The following CHD9 variants were observed in gnomAD, a reference collection of about 807,000 sequenced individuals.
CHD9 encodes ATP-dependent chromatin remodeler CHD9.
Under a neutral mutation model 316.1 loss-of-function variants are expected in CHD9, and 77 were observed. The observed-to-expected ratio is 0.24, with a 90% CI of 0.20 to 0.29. The LOEUF (loss-of-function observed/expected upper bound fraction) is 0.29, where lower values mean the gene tolerates loss of function less well. Among genes scored for constraint, CHD9 ranks in the 10% least tolerant of loss-of-function variants. CHD9 has a pLI of 1.00. For synonymous variants in CHD9, 1,129 were observed against 1,158.3 expected, an observed-to-expected ratio of 0.97 and a Z score of 0.51; for missense variants, 2,763 against 3,438.1, an observed-to-expected ratio of 0.80 and a Z score of 4.91.
Position 53,144,673 on chromosome 16 carries a change from C to T in CHD9, c.-164-11253C>T, listed in dbSNP as rs371395110. On this transcript the variant is annotated intron_variant, in intron 1 of 38. Coordinates refer to ENST00000447540, the MANE Select transcript of CHD9 (RefSeq NM_001308319.2). ...CCTCCCGAGTAGCTGGGACTACAGG[C>T]GCCCACTATGCCCAGCTAATTTTTG... 5.1e-4 allele frequency among the ~76,000 whole-genome samples: 77 copies of T among 151,944 alleles called. 1 individual carries two copies. In the South Asian group the frequency reaches 0.015, roughly 30 times the overall value.
intron 13 of CHD9, among the ~76,000 whole-genome samples, chr16:53,243,644 G>C (rs965341600): frequency 3.3e-5 from 5 of 152,104 alleles, no homozygotes; most frequent in African/African-American, 1.2e-4. Context: ...TAAGTTTTAA[G>C]CCATGAATTA....
chr16:53,121,176 G>A, intron 1 of CHD9: 1 of 337,390 alleles, frequency 3.0e-6, no homozygotes, highest in Non-Finnish European at 5.9e-6. Context: ...GTTCATTGTT[G>A]TATTCCCAGC....
intron 2 of CHD9, chr16:53,208,100 A>G: frequency 9.8e-7 from 1 of 1,022,524 alleles, no homozygotes; most frequent in African/African-American, 1.7e-5. Context: ...AGGAGTGTTT[A>G]CAGCCTTTTT....
intron 1 of CHD9, among the ~76,000 whole-genome samples, chr16:53,150,718 TC>T (rs1349676344): frequency 6.6e-6 from 1 of 152,224 alleles, no homozygotes; most frequent in South Asian, 2.1e-4. Context: ...TCTTAATTTC[TC>T]TTCATTCTTA....
intron 36 of CHD9, 140 bp from the exon 37 acceptor site, chr16:53,318,066 TAAAATA>T (rs1247838585): frequency 1.7e-6 from 1 of 596,898 alleles, no homozygotes; most frequent in Non-Finnish European, 2.7e-6. Context: ...CAAAAAAAAA[TAAAATA>T]AAAAAGTTTA....
rs1169400196 is a variant in CHD9, at chr16:53,156,782, TTC to T, written c.696_697del (p.Gln233AsnfsTer12). The T allele has an allele frequency of 6.2e-7, 1 of 1,613,768 alleles. No homozygotes were observed. The highest frequency in any genetic ancestry group is 8.5e-7 in the Non-Finnish European group (1 of 1,179,892). On this transcript the variant is annotated frameshift_variant, in exon 2 of 39. Coordinates refer to ENST00000447540, the MANE Select transcript of CHD9 (RefSeq NM_001308319.2). LOFTEE classifies it high-confidence loss of function. ...SQQSISMQQF[S>X]QTSNPSAHFH... ...AACAGTCTATTTCAATGCAGCAATT[TTC>T]TCAAACGTCAAATCCTTCAGCACAC...
chr16:53,110,101 A>C (rs763635188), intron 1 of CHD9, among the ~76,000 whole-genome samples: 1 of 152,178 alleles, frequency 6.6e-6, no homozygotes, highest in African/African-American at 2.4e-5. Flanking sequence ...TGTCATCCCC[A>C]GCAGTCCCTA....
At chr16:53,271,051 C>T (rs887401246) in intron 22 of CHD9, among the ~76,000 whole-genome samples, 1 of 151,426 alleles carries the variant, frequency 6.6e-6, no homozygotes, top group African/African-American at 2.4e-5. Flanking sequence ...TCTGGTTGTT[C>T]TATTACTCAA....
intron 13 of CHD9, 43 bp downstream of exon 13, chr16:53,243,059 G>A (rs769619185): frequency 1.4e-5 from 19 of 1,399,744 alleles, no homozygotes; most frequent in Non-Finnish European, 1.6e-5. Context: ...GAGTTTATTA[G>A]ATGTATAGTG....
chr16:53,283,393 AT>A (rs1286943045), intron 24 of CHD9, among the ~76,000 whole-genome samples: 1 of 150,024 alleles, frequency 6.7e-6, no homozygotes, highest in Non-Finnish European at 1.5e-5. Flanking sequence ...AAAAACAGAA[AT>A]CAGCAACACC....
chr16:53,320,149 C>G (rs1416660621), intron 37 of CHD9, among the ~76,000 whole-genome samples: 1 of 149,722 alleles, frequency 6.7e-6, no homozygotes, highest in Admixed American at 6.7e-5. Flanking sequence ...GCATTCCAGC[C>G]TGGGCCACAG....
chr16:53,069,699 G>A (rs1165827157), intron 1 of CHD9, among the ~76,000 whole-genome samples: 2 of 152,164 alleles, frequency 1.3e-5, no homozygotes, highest in African/African-American at 4.8e-5. Context: ...CTATGAACAT[G>A]GGTGTATAGA....
chr16:53,071,436 C>A (rs898611322), intron 1 of CHD9, among the ~76,000 whole-genome samples: 1 of 152,162 alleles, frequency 6.6e-6, no homozygotes, highest in South Asian at 2.1e-4. Flanking sequence ...TGAGCCCCTA[C>A]CCATTCACCC....
chr16:53,150,888 C>T (rs969822519), intron 1 of CHD9, among the ~76,000 whole-genome samples: 2 of 152,162 alleles, frequency 1.3e-5, no homozygotes, highest in Non-Finnish European at 2.9e-5. Flanking sequence ...TTTTCTCTTG[C>T]CACTTTCAAG....
chr16:53,180,534 T>C (rs1387615001), intron 2 of CHD9, among the ~76,000 whole-genome samples: 3 of 152,194 alleles, frequency 2.0e-5, no homozygotes, highest in Non-Finnish European at 4.4e-5. Flanking sequence ...CAGTACTTTT[T>C]AAGAAGAGAC....
At chr16:53,079,470 T>C (rs1292791802) in intron 1 of CHD9, among the ~76,000 whole-genome samples, 1 of 152,224 alleles carries the variant, frequency 6.6e-6, no homozygotes, top group Non-Finnish European at 1.5e-5. Context: ...TACAAAAATA[T>C]ATTTGGTCTT....
At chr16:53,301,250 A>T (rs2055383960) in intron 30 of CHD9, among the ~76,000 whole-genome samples, 1 of 152,182 alleles carries the variant, frequency 6.6e-6, no homozygotes, top group African/African-American at 2.4e-5. Flanking sequence ...CTAAGATCAA[A>T]TGTAAAGTAG....
intron 24 of CHD9, among the ~76,000 whole-genome samples, chr16:53,278,111 A>G (rs1364482172): frequency 1.3e-5 from 2 of 152,170 alleles, no homozygotes; most frequent in Non-Finnish European, 2.9e-5. Context: ...ATCGTAGATG[A>G]CACAAATAAA....
chr16:53,293,474 G>T (rs2054525507), intron 29 of CHD9, among the ~76,000 whole-genome samples: 2 of 152,058 alleles, frequency 1.3e-5, no homozygotes, highest in Non-Finnish European at 2.9e-5. Flanking sequence ...AAATTAGCCA[G>T]GTGTGGTGGC....
Sources: allele counts gnomAD v4.1 joint callset (sites outside exome capture counted in the v4.1 genomes callset), GRCh38; gene constraint gnomAD v4.1.1; transcripts MANE v1.5; gene names NCBI Gene and HGNC (gene_info 2026-07-23, HGNC 2026-07-21).